The following WDR89 variants were observed in gnomAD, a reference collection of about 807,000 sequenced individuals.
WDR89 encodes the protein WD repeat domain 89, also known as WD repeat-containing protein 89.
A neutral mutation model predicts 29.1 loss-of-function variants in WDR89; 17 were observed. The ratio of observed to expected loss-of-function variants is 0.58; its 90% CI spans 0.40 to 0.88. The LOEUF (loss-of-function observed/expected upper bound fraction) is 0.88, where lower values mean the gene tolerates loss of function less well. Among genes scored for constraint, WDR89 ranks in the 40% least tolerant of loss-of-function variants. The pLI is 0.00. For synonymous variants in WDR89, 138 were observed against 157.8 expected (o/e 0.87, Z 0.94); for missense variants, 396 against 456.3 (o/e 0.87, Z 1.20).
intron 2 of WDR89, among the ~76,000 whole-genome samples, chr14:63,603,940 G>A (rs575796580): frequency 6.6e-6 from 1 of 152,186 alleles, no homozygotes. Context: ...GCTTGCTCCT[G>A]CCTCAGGACT....
intron 2 of WDR89, among the ~76,000 whole-genome samples, chr14:63,612,329 GTTT>G (rs554114500): frequency 1.0e-4 from 14 of 140,048 alleles, no homozygotes; most frequent in Admixed American, 4.3e-4. Flanking sequence ...AAAATTTCAA[GTTT>G]TTTTTTTTTT....
chr14:63,621,741 T>C (rs1025469119), intron 2 of WDR89: 6 of 151,294 alleles, frequency 4.0e-5, no homozygotes, highest in African/African-American at 1.5e-4. Context: ...TGAAAAAGAG[T>C]ATAAAAGAAA....
intron 1 of WDR89, among the ~76,000 whole-genome samples, chr14:63,632,745 T>C (rs1023908628): frequency 1.3e-5 from 2 of 151,858 alleles, no homozygotes; most frequent in Admixed American, 1.3e-4. Context: ...AAGCACCCTA[T>C]AATAGAGAAA....
intron 2 of WDR89, among the ~76,000 whole-genome samples, chr14:63,608,897 T>C (rs796670810): frequency 7.9e-5 from 12 of 152,170 alleles, no homozygotes; most frequent in African/African-American, 2.6e-4. Context: ...GGTTGGGAGA[T>C]CTAGGCCATC....
intron 2 of WDR89, 36 bp from the exon 3 acceptor site, chr14:63,600,009 T>A (rs1387930037): frequency 8.1e-7 from 1 of 1,233,002 alleles, no homozygotes; most frequent in Admixed American, 3.4e-5. Context: ...TAAAAATTAA[T>A]GCTTAACAAG....
intron 2 of WDR89, among the ~76,000 whole-genome samples, chr14:63,620,471 A>T (rs1882625900): frequency 6.6e-6 from 1 of 152,178 alleles, no homozygotes; most frequent in Non-Finnish European, 1.5e-5. Flanking sequence ...GGGAGGAGGG[A>T]GAATCAGGGA....
rs186714754 is a variant in WDR89, at chr14:63,599,778, A to G, written c.165T>C (p.Tyr55=). ...VLCSNGSIRI[Y]DKERLNVLRE... is the part of the protein sequence containing the mutation. ...GTAGTACATTTAACCTTTCTTTATC[A>G]TATATTCTGATTGATCCATTAGAAC... The change falls in exon 3 of 3, where the codon TAT becomes TAC. Residue 55 remains tyrosine (Y), a synonymous_variant. Transcript: ENST00000620954. 9.3e-6 allele frequency: 15 copies of G among 1,614,168 alleles called. No individual in the cohort carries two copies. Among genetic ancestry groups the G allele is most frequent in the Middle Eastern group, 1.6e-4 (1 of 6,062 alleles).
intron 2 of WDR89, among the ~76,000 whole-genome samples, chr14:63,613,821 CTTTTTT>C (rs751893850): frequency 8.3e-6 from 1 of 121,066 alleles, no homozygotes; most frequent in Non-Finnish European, 1.8e-5. Flanking sequence ...TTTTAAACAT[CTTTTTT>C]TTTTTTTTTT....
At chr14:63,627,123 A>AACACACAC (rs756971522) in intron 1 of WDR89, among the ~76,000 whole-genome samples, 247 of 122,870 alleles carry the variant, frequency 2.0e-3, no homozygotes, top group African/African-American at 6.9e-3. Flanking sequence ...TTTGTCTCTA[A>AACACACAC]ACACACACAC....
At chr14:63,619,135 G>C (rs1454728011) in intron 2 of WDR89, among the ~76,000 whole-genome samples, 5 of 152,190 alleles carry the variant, frequency 3.3e-5, no homozygotes, top group African/African-American at 1.2e-4. Flanking sequence ...GAAGAGCATG[G>C]AGAGAAACCT....
At chr14:63,625,120 G>C (rs1882947653) in intron 1 of WDR89, 87 bp from the exon 2 acceptor site, 1 of 151,956 alleles carries the variant, frequency 6.6e-6, no homozygotes, top group Non-Finnish European at 1.5e-5. Context: ...TCTGTCATCT[G>C]CTGAAGGGAA....
At chr14:63,637,964 T>C (rs77153012) in intron 1 of WDR89, among the ~76,000 whole-genome samples, 5 of 152,018 alleles carry the variant, frequency 3.3e-5, no homozygotes, top group South Asian at 4.1e-4. Flanking sequence ...TTTTTTTTTT[T>C]CAAAACAGCC....
chr14:63,613,964 A>T (rs1468475982), intron 2 of WDR89, among the ~76,000 whole-genome samples: 1 of 151,842 alleles, frequency 6.6e-6, no homozygotes. Flanking sequence ...CTGAAATTTT[A>T]ATGATGATGA....
intron 1 of WDR89, among the ~76,000 whole-genome samples, chr14:63,635,253 A>C (rs1481585083): frequency 6.6e-6 from 1 of 152,144 alleles, no homozygotes; most frequent in Non-Finnish European, 1.5e-5. Flanking sequence ...AACTGAATCC[A>C]ACAACATATC....
intron 2 of WDR89, among the ~76,000 whole-genome samples, chr14:63,616,518 A>G (rs1330220452): frequency 6.6e-6 from 1 of 152,216 alleles, no homozygotes; most frequent in African/African-American, 2.4e-5. Flanking sequence ...TCAATCATTA[A>G]AGGAAACTTC....
chr14:63,629,339 G>A (rs1213479772), intron 1 of WDR89, among the ~76,000 whole-genome samples: 1 of 152,032 alleles, frequency 6.6e-6, no homozygotes, highest in Non-Finnish European at 1.5e-5. Context: ...TTCTCTTTCT[G>A]AAGCTCTTGT....
intron 1 of WDR89, among the ~76,000 whole-genome samples, chr14:63,625,762 A>G (rs913669362): frequency 6.6e-6 from 1 of 152,210 alleles, no homozygotes; most frequent in Non-Finnish European, 1.5e-5. Context: ...GTACAAATAA[A>G]TAATTAGTGC....
intron 1 of WDR89, among the ~76,000 whole-genome samples, chr14:63,638,305 C>A (rs534723270): frequency 1.5e-4 from 23 of 152,314 alleles, no homozygotes; most frequent in African/African-American, 5.3e-4. Context: ...CAAGAAGCTA[C>A]ATTAGCTGGG....
At chr14:63,614,313 T>C (rs891444373) in intron 2 of WDR89, among the ~76,000 whole-genome samples, 28 of 146,776 alleles carry the variant, frequency 1.9e-4, no homozygotes, top group Middle Eastern at 3.5e-3. Flanking sequence ...CTTTTTTTCT[T>C]TTTTTTTTTT....
Sources: gnomAD v4.1 joint callset for allele counts (sites outside exome capture counted in the v4.1 genomes callset) on GRCh38, gnomAD v4.1.1 for gene constraint, MANE v1.5 for transcripts, NCBI Gene and HGNC (gene_info 2026-07-23, HGNC 2026-07-21) for gene names.